B4GALT1: variants seen among roughly 807,000 people sequenced by gnomAD.
The protein encoded by B4GALT1 is beta-1,4-galactosyltransferase 1.
B4GALT1 carries 16 observed loss-of-function variants against 34.9 expected under a neutral mutation model. The ratio of observed to expected loss-of-function variants is 0.46; its 90% CI spans 0.31 to 0.70. The LOEUF (loss-of-function observed/expected upper bound fraction) is 0.70, where lower values mean the gene tolerates loss of function less well. Ranked by LOEUF, B4GALT1 falls within the 30% of genes least tolerant of loss-of-function variation. The pLI is 0.05. For missense variants in B4GALT1, 445 were observed against 530.5 expected (o/e 0.84, Z 1.58); for synonymous variants, 221 against 218.1 (o/e 1.01, Z -0.12).
At chr9:33,159,280 T>C (rs1458096703) in intron 1 of B4GALT1, among the ~76,000 whole-genome samples, 1 of 152,226 alleles carries the variant, frequency 6.6e-6, no homozygotes, top group Non-Finnish European at 1.5e-5. Flanking sequence ...TACTCTGTCA[T>C]GGGGCCAAGC....
At chr9:33,108,745 T>C (rs1180051174), downstream of B4GALT1, 4 of 152,130 alleles carry the variant, frequency 2.6e-5, no homozygotes, top group Non-Finnish European at 4.4e-5. Flanking sequence ...CTTTCACTGG[T>C]GTGCTCCATC....
intron 1 of B4GALT1, among the ~76,000 whole-genome samples, chr9:33,152,887 AAATAC>A (rs1008342162): frequency 3.9e-5 from 6 of 152,076 alleles, no homozygotes; most frequent in South Asian, 2.1e-4. Flanking sequence ...AAAAAAGAAA[AAATAC>A]TCACATAAGA....
At chr9:33,151,577 C>T (rs1840518365) in intron 1 of B4GALT1, among the ~76,000 whole-genome samples, 1 of 152,268 alleles carries the variant, frequency 6.6e-6, no homozygotes, top group South Asian at 2.1e-4. Context: ...GATAATTATG[C>T]CTTCCTTTCA....
chr9:33,104,887 T>C (rs1393609369), intron 2 of B4GALT1: 6 of 386,746 alleles, frequency 1.6e-5, no homozygotes. Context: ...ACGTGCTAAG[T>C]AAATGAACTG....
intron 1 of B4GALT1, among the ~76,000 whole-genome samples, chr9:33,155,810 A>C (rs1420772021): frequency 6.6e-6 from 1 of 152,210 alleles, no homozygotes; most frequent in African/African-American, 2.4e-5. Flanking sequence ...AAGATGAGTT[A>C]GGCATTGATC....
chr9:33,166,765 CG>C lies in B4GALT1; in HGVS notation c.404del (p.Pro135ArgfsTer8). 1 of 1,508,364 alleles carries C rather than the reference CG, an allele frequency of 6.6e-7. No homozygotes were observed. 93.4% of individuals were successfully genotyped at this position (1,508,364 alleles called of 1,614,324 possible). On this transcript the variant is annotated frameshift_variant, in exon 1 of 6. Coordinates refer to ENST00000379731, the MANE Select transcript of B4GALT1 (RefSeq NM_001497.4). LOFTEE classifies it high-confidence loss of function. ...LSLPACPEES[P>X]LLVGPMLIEF... is the part of the protein sequence containing the mutation. Reference sequence around the variant, plus strand: ...GCCGACCCGAGTCCTTACCAAGCAGCGGGGACTCCTCAGGGCAGGCGGGCAG... The same window carrying C: ...GCCGACCCGAGTCCTTACCAAGCAGCGGGACTCCTCAGGGCAGGCGGGCAG...
intron 1 of B4GALT1, among the ~76,000 whole-genome samples, chr9:33,147,865 C>T (rs527784453): frequency 5.3e-5 from 8 of 151,676 alleles, no homozygotes; most frequent in Non-Finnish European, 1.2e-4. Flanking sequence ...AGACTTCCAT[C>T]TCTAAAAAAT....
At chr9:33,142,973 T>C (rs1840374747) in intron 1 of B4GALT1, among the ~76,000 whole-genome samples, 1 of 151,958 alleles carries the variant, frequency 6.6e-6, no homozygotes, top group South Asian at 2.1e-4. Flanking sequence ...GGTAAAACCA[T>C]GTCTCTATTA....
At chr9:33,172,673 G>A in the B4GALT1 span, among the ~76,000 whole-genome samples, 2 of 152,128 alleles carry the variant, frequency 1.3e-5, no homozygotes, top group East Asian at 3.9e-4. Flanking sequence ...AGTGGCTCAC[G>A]CCTTTAATCC....
chr9:33,117,453 T>C (rs1232081208), intron 3 of B4GALT1, among the ~76,000 whole-genome samples: 1 of 152,200 alleles, frequency 6.6e-6, no homozygotes, highest in East Asian at 1.9e-4. Flanking sequence ...ATGAGAAATG[T>C]CAAGAATCAG....
At chr9:33,170,277 GTTAAAATACTT>G (rs1446653328), upstream of B4GALT1, among the ~76,000 whole-genome samples, 2 of 152,096 alleles carry the variant, frequency 1.3e-5, no homozygotes, top group African/African-American at 4.8e-5. Context: ...GCCGATATTT[GTTAAAATACTT>G]TTTAAATACT....
intron 2 of B4GALT1, among the ~76,000 whole-genome samples, chr9:33,134,525 T>C (rs1840239179): frequency 6.6e-6 from 1 of 152,238 alleles, no homozygotes; most frequent in Non-Finnish European, 1.5e-5. Flanking sequence ...GCCTCTTAGA[T>C]CAATCTGATT....
intron 1 of B4GALT1, among the ~76,000 whole-genome samples, chr9:33,147,400 A>G (rs1840444082): frequency 6.6e-6 from 1 of 151,984 alleles, no homozygotes; most frequent in Admixed American, 6.5e-5. Context: ...GGCACCTGCC[A>G]CCACGCCCAG....
chr9:33,159,547 C>G (rs1440466278), intron 1 of B4GALT1, among the ~76,000 whole-genome samples: 1 of 152,196 alleles, frequency 6.6e-6, no homozygotes, highest in Non-Finnish European at 1.5e-5. Flanking sequence ...TTGGGAATAG[C>G]CTGGCACACT....
At chr9:33,154,207 GTATAA>G (rs1480276472) in intron 1 of B4GALT1, among the ~76,000 whole-genome samples, 1 of 152,162 alleles carries the variant, frequency 6.6e-6, no homozygotes, top group African/African-American at 2.4e-5. Context: ...AAAAATCAAT[GTATAA>G]TATACCATAT....
downstream of B4GALT1, among the ~76,000 whole-genome samples, chr9:33,106,898 A>G (rs1363977281): frequency 6.6e-6 from 1 of 152,042 alleles, no homozygotes; most frequent in Non-Finnish European, 1.5e-5. Flanking sequence ...GCCACACGTA[A>G]TGGTCATTGT....
chr9:33,144,834 T>C (rs1487752820), intron 1 of B4GALT1, among the ~76,000 whole-genome samples: 1 of 152,210 alleles, frequency 6.6e-6, no homozygotes, highest in African/African-American at 2.4e-5. Flanking sequence ...GTCCCATTCC[T>C]TTCTATGCTG....
Position 33,135,339 on chromosome 9 carries a change from G to T in B4GALT1, c.498C>A (p.Arg166=). The change falls in exon 2 of 6, where the codon CGC becomes CGA. Residue 166 remains arginine (R), a synonymous_variant. Transcript: ENST00000379731. ...GAGAGACGCAGTCCCTGGGGGCATA[G>T]CGGCCGCCCATCTTCACATTTGGGT... The part of the protein sequence containing the change: ...KQNPNVKMGG[R]YAPRDCVSPH... 3 of 1,614,206 alleles carry T rather than the reference G, an allele frequency of 1.9e-6. No homozygotes were observed. Among genetic ancestry groups the T allele is most frequent in the Non-Finnish European group, 2.5e-6 (3 of 1,180,036 alleles).
chr9:33,120,710 T>C lies in B4GALT1; in HGVS notation c.649-104A>G. 2.5e-6 allele frequency: 3 copies of C among 1,181,060 alleles called. No homozygotes were observed. The South Asian group carries it at 3.9e-5, about 15-fold the overall frequency. 73.2% of individuals were successfully genotyped at this position (1,181,060 alleles called of 1,614,324 possible). ...CCACTACACATGGTCACTAGGAAACTCTTGGGCCTCACTTTTCTGCCGTCA... is the reference window on the plus strand; with the variant it reads ...CCACTACACATGGTCACTAGGAAACCCTTGGGCCTCACTTTTCTGCCGTCA... On this transcript the variant is annotated intron_variant, in intron 2 of 5. Coordinates refer to ENST00000379731, the MANE Select transcript of B4GALT1 (RefSeq NM_001497.4).
Sources: gnomAD v4.1 joint callset for allele counts (sites outside exome capture counted in the v4.1 genomes callset) on GRCh38, gnomAD v4.1.1 for gene constraint, MANE v1.5 for transcripts, NCBI Gene and HGNC (gene_info 2026-07-23, HGNC 2026-07-21) for gene names.